Variants in CEP70 observed in about 807,000 individuals in gnomAD.
CEP70 encodes the protein centrosomal protein of 70 kDa.
CEP70 carries 70 observed loss-of-function variants against 90.9 expected under a neutral mutation model. The ratio of observed to expected loss-of-function variants is 0.77; its 90% CI spans 0.64 to 0.94. The LOEUF is 0.94. Among genes scored for constraint, CEP70 ranks in the 40% least tolerant of loss-of-function variants. The pLI is 0.00. For missense variants in CEP70, 648 were observed against 669.0 expected (o/e 0.97, Z 0.35); for synonymous variants, 220 against 228.3 (o/e 0.96, Z 0.33).
chr3:138,531,634 C>T (rs1188900319), intron 8 of CEP70: 2 of 151,560 alleles, frequency 1.3e-5, no homozygotes, highest in Non-Finnish European at 2.9e-5. Context: ...CTGAAAAGAA[C>T]ATAAAGCAAG....
At chr3:138,577,368 G>T (rs2041603537) in intron 2 of CEP70, among the ~76,000 whole-genome samples, 1 of 152,040 alleles carries the variant, frequency 6.6e-6, no homozygotes, top group Non-Finnish European at 1.5e-5. Flanking sequence ...AAACCCAAGG[G>T]TCAGGCACAA....
intron 10 of CEP70, among the ~76,000 whole-genome samples, chr3:138,525,867 C>T (rs902017483): frequency 1.3e-5 from 2 of 152,154 alleles, no homozygotes; most frequent in African/African-American, 4.8e-5. Context: ...GGTGTATCCA[C>T]CACCTAGCTT....
At chr3:138,500,280 T>A (rs1453013259) in intron 15 of CEP70, 56 bp from the exon 16 acceptor site, 1 of 1,518,800 alleles carries the variant, frequency 6.6e-7, no homozygotes, top group Non-Finnish European at 9.1e-7. Context: ...ATTACATACA[T>A]CAAACATTTT....
intron 17 of CEP70, chr3:138,497,716 T>A (rs1172624436): frequency 1.0e-6 from 1 of 985,222 alleles, no homozygotes; most frequent in Non-Finnish European, 1.2e-6. Flanking sequence ...CCTTCTAAGA[T>A]CATAAATCCT....
chr3:138,532,429 T>C, intron 8 of CEP70, 85 bp downstream of exon 8: 5 of 1,202,292 alleles, frequency 4.2e-6, no homozygotes, highest in Non-Finnish European at 4.4e-6. Flanking sequence ...TTCCATAGTA[T>C]ATTAAAGTTT....
chr3:138,534,806 G>A (rs1437987754), intron 7 of CEP70, among the ~76,000 whole-genome samples: 1 of 152,102 alleles, frequency 6.6e-6, no homozygotes, highest in Non-Finnish European at 1.5e-5. Flanking sequence ...GAATTCATCG[G>A]TTTCTTCCCC....
intron 6 of CEP70, among the ~76,000 whole-genome samples, chr3:138,540,211 T>G (rs1392374293): frequency 6.6e-6 from 1 of 151,798 alleles, no homozygotes; most frequent in African/African-American, 2.4e-5. Context: ...AAAAAAAGCT[T>G]AGGCCAGGCG....
At chr3:138,572,024 C>T (rs140148761) in intron 3 of CEP70, among the ~76,000 whole-genome samples, 216 of 152,166 alleles carry the variant, frequency 1.4e-3, no homozygotes, top group African/African-American at 4.9e-3. Context: ...GTGATCCACC[C>T]GCCCTGGCCT....
intron 11 of CEP70, among the ~76,000 whole-genome samples, chr3:138,517,383 A>C (rs899620857): frequency 2.6e-5 from 4 of 152,156 alleles, no homozygotes; most frequent in African/African-American, 9.7e-5. Context: ...AAATAAATAA[A>C]ATAAGGCCAA....
At chr3:138,565,544 A>G (rs1403444419) in intron 6 of CEP70, among the ~76,000 whole-genome samples, 1 of 152,194 alleles carries the variant, frequency 6.6e-6, no homozygotes, top group African/African-American at 2.4e-5. Flanking sequence ...ACACATCTAC[A>G]ACCATCTGAT....
chr3:138,510,184 CCTCAGGATCACCTG>C (rs2035391507), intron 11 of CEP70, among the ~76,000 whole-genome samples: 1 of 151,496 alleles, frequency 6.6e-6, no homozygotes, highest in African/African-American at 2.4e-5. Flanking sequence ...GTTAAGATGA[CCTCAGGATCACCTG>C]AGGTCAGGAG....
At chr3:138,573,131 A>G in intron 2 of CEP70, 199 bp from the exon 3 acceptor site, 1 of 576,676 alleles carries the variant, frequency 1.7e-6, no homozygotes, top group Non-Finnish European at 3.1e-6. Flanking sequence ...CATTTGAATA[A>G]ACCCTATCTT....
intron 6 of CEP70, among the ~76,000 whole-genome samples, chr3:138,551,033 T>A (rs921512484): frequency 2.0e-5 from 3 of 152,160 alleles, no homozygotes; most frequent in African/African-American, 7.2e-5. Flanking sequence ...ACCTGAGAAA[T>A]TCATCGCAAA....
intron 4 of CEP70, 23 bp from the exon 5 acceptor site, chr3:138,571,180 A>G (rs745820165): frequency 1.2e-5 from 19 of 1,556,120 alleles, no homozygotes; most frequent in Middle Eastern, 1.8e-4. Context: ...AGTATATAAT[A>G]CAGATAGTAA....
chr3:138,535,984 T>C (rs1294445931), intron 7 of CEP70, among the ~76,000 whole-genome samples: 1 of 152,158 alleles, frequency 6.6e-6, no homozygotes, highest in Non-Finnish European at 1.5e-5. Flanking sequence ...TGTGTATATA[T>C]GTGCATTATC....
chr3:138,553,745 C>T (rs34316974), intron 6 of CEP70, among the ~76,000 whole-genome samples: 19,751 of 152,114 alleles, frequency 0.13, 2,709 homozygotes, highest in East Asian at 0.38. Context: ...ATGAATTCAA[C>T]AGCATATCAA....
chr3:138,508,315 AATAAGTACAC>A, intron 12 of CEP70, 114 bp downstream of exon 12: 1 of 696,036 alleles, frequency 1.4e-6, no homozygotes, highest in Non-Finnish European at 2.6e-6. Context: ...GACAAGACAG[AATAAGTACAC>A]ATAAATATGA....
chr3:138,511,386 T>C (rs1167155261), intron 11 of CEP70, among the ~76,000 whole-genome samples: 1 of 152,248 alleles, frequency 6.6e-6, no homozygotes, highest in Non-Finnish European at 1.5e-5. Context: ...CATGAGCATA[T>C]TATCTAGAAC....
intron 7 of CEP70, among the ~76,000 whole-genome samples, chr3:138,536,453 C>T (rs535949577): frequency 1.5e-4 from 23 of 151,940 alleles, no homozygotes; most frequent in African/African-American, 3.4e-4. Context: ...AATTTGGTGA[C>T]GCAAACACAC....
Sources: gnomAD v4.1 joint callset for allele counts (sites outside exome capture counted in the v4.1 genomes callset) on GRCh38, gnomAD v4.1.1 for gene constraint, MANE v1.5 for transcripts, NCBI Gene and HGNC (gene_info 2026-07-23, HGNC 2026-07-21) for gene names.